The following ALDH4A1 variants were observed in gnomAD, a reference collection of about 807,000 sequenced individuals.
The protein encoded by ALDH4A1 is delta-1-pyrroline-5-carboxylate dehydrogenase, mitochondrial.
Under a neutral mutation model 70.5 loss-of-function variants are expected in ALDH4A1, and 46 were observed. The observed-to-expected ratio is 0.65, with a 90% CI of 0.51 to 0.83. The LOEUF is 0.83. ALDH4A1 is among the 40% of genes least tolerant of loss of function. ALDH4A1 has a pLI of 0.00. For missense variants in ALDH4A1, 749 were observed against 766.5 expected (o/e 0.98, Z 0.27); for synonymous variants, 323 against 324.3 (o/e 1.00, Z 0.04).
intron 1 of ALDH4A1, among the ~76,000 whole-genome samples, chr1:18,897,422 A>T (rs1935660359): frequency 1.3e-5 from 2 of 152,198 alleles, no homozygotes; most frequent in South Asian, 4.1e-4. Context: ...GTGTGCCTGT[A>T]GTCTCAGCTA....
In ALDH4A1 at chr1:18,876,405, C is replaced by A. The variant is rs184119656; in HGVS notation, c.1248G>T (p.Leu416=). Residue 416 remains leucine (L), a synonymous_variant, in exon 12 of 15, where the codon CTG becomes CTT. Coordinates refer to ENST00000375341, the MANE Select transcript of ALDH4A1 (RefSeq NM_003748.4). ...CGGAGTCATCACACTTGCCCCCGGC[C>A]AGGATGGTGAGGCTGGGTGAGGAGC... is the stretch of plus-strand genomic sequence containing the variant. The part of the protein sequence containing the change: ...HARSSPSLTI[L]AGGKCDDSVG... The A allele has an allele frequency of 1.2e-6, 2 of 1,613,238 alleles. No individual in the cohort carries two copies. The highest frequency in any genetic ancestry group is 4.5e-5 in the East Asian group (2 of 44,862).
At position 18,883,352 on chromosome 1, in the gene ALDH4A1, G is replaced by T. The variant is rs774413678; in HGVS notation, c.530C>A (p.Ala177Glu). 2 of 1,613,298 alleles carry T rather than the reference G, an allele frequency of 1.2e-6. No individual in the cohort carries two copies. The highest frequency in any genetic ancestry group is 8.5e-7 in the Non-Finnish European group (1 of 1,180,040). Residue 177 changes from alanine to glutamate, a missense_variant, in exon 6 of 15, where the codon GCG becomes GAG. By Grantham distance (107) the Ala-to-Glu change is moderately radical (BLOSUM62 -1). Transcript: ENST00000375341. Reference sequence around the variant, plus strand: ...GGGCTGCTGCCCCTCCAGCTCCACCGCATACTTGGCATTGAACCGGAAGAA... The same window carrying T: ...GGGCTGCTGCCCCTCCAGCTCCACCTCATACTTGGCATTGAACCGGAAGAA... ...IDFFRFNAKY[A>E]VELEGQQPIS...
rs541986590 is a variant in ALDH4A1 at position 18,873,048 on chromosome 1, C to A, written c.1580-91G>T. ...GGAGATGATGGAATCAACGGACCAG[C>A]AGTGTAGCGGCCAGCAGCGAGCCTG... On this transcript the variant is annotated intron_variant, in intron 14 of 14. Coordinates refer to ENST00000375341, the MANE Select transcript of ALDH4A1 (RefSeq NM_003748.4). The A allele has an allele frequency of 1.2e-5, 14 of 1,156,068 alleles. No individual in the cohort carries two copies. In the Admixed American group the frequency reaches 2.0e-4, roughly 16 times the overall value. 71.6% of individuals were successfully genotyped at this position (1,156,068 alleles called of 1,614,324 possible).
At chr1:18,884,834 C>G (rs924121550) in intron 5 of ALDH4A1, among the ~76,000 whole-genome samples, 2 of 152,128 alleles carry the variant, frequency 1.3e-5, no homozygotes, top group Non-Finnish European at 2.9e-5. Flanking sequence ...TGGGCTGGAC[C>G]AGGAGGTAAG....
In ALDH4A1 at chr1:18,883,359, T is replaced by A. The variant is rs1935065191; in HGVS notation, c.523A>T (p.Lys175Ter). Reference sequence around the variant, plus strand: ...TGCCCCTCCAGCTCCACCGCATACTTGGCATTGAACCGGAAGAAGTCGATG... The same window carrying A: ...TGCCCCTCCAGCTCCACCGCATACTAGGCATTGAACCGGAAGAAGTCGATG... ...ELIDFFRFNA[K>*]YAVELEGQQP... is the part of the protein sequence containing the mutation. The change falls in exon 6 of 15, where the codon AAG becomes TAG. Residue 175 changes from lysine to a stop codon, truncating the protein, a stop_gained. Coordinates refer to ENST00000375341, the MANE Select transcript of ALDH4A1 (RefSeq NM_003748.4). LOFTEE classifies it high-confidence loss of function. 6.2e-7 allele frequency: 1 copy of A among 1,613,462 alleles called. No homozygotes were observed. Among genetic ancestry groups the A allele is most frequent in the Non-Finnish European group, 8.5e-7 (1 of 1,180,024 alleles).
chr1:18,889,412 C>T lies in ALDH4A1; in HGVS notation c.199G>A (p.Val67Met), dbSNP rs141327098. The T allele has an allele frequency of 1.8e-4, 283 of 1,552,904 alleles. 1 individual carries two copies. The highest frequency in any genetic ancestry group is 1.7e-3 in the African/African-American group (124 of 73,188). The change falls in exon 3 of 15, where the codon GTG becomes ATG. Residue 67 changes from valine to methionine, a missense_variant. By Grantham distance (21) the Val-to-Met change is conservative (BLOSUM62 1). Transcript: ENST00000375341. ...LKGRMEAIPC[V>M]VGDEEVWTSD... is the part of the protein sequence containing the mutation. ...GTCCACACCTCCTCATCCCCCACCA[C>T]GCATGGGATGGCTTCCATCCGGCCC...
At chr1:18,899,945 A>G (rs1289905999) in intron 1 of ALDH4A1, among the ~76,000 whole-genome samples, 1 of 152,232 alleles carries the variant, frequency 6.6e-6, no homozygotes, top group South Asian at 2.1e-4. Context: ...AGACAAGTGT[A>G]TAAAGGGAAA....
intron 1 of ALDH4A1, 61 bp downstream of exon 1, chr1:18,902,401 C>A: frequency 7.9e-7 from 1 of 1,270,618 alleles, no homozygotes; most frequent in South Asian, 2.0e-5. Flanking sequence ...CGCCCAGTGA[C>A]TCTCAGGCTC....
chr1:18,872,748 T>C lies in ALDH4A1; in HGVS notation c.*97A>G, dbSNP rs1002157013. 1 of 862,656 alleles carries C rather than the reference T, an allele frequency of 1.2e-6. No individual in the cohort carries two copies. The highest frequency in any genetic ancestry group is 1.9e-6 in the Non-Finnish European group (1 of 526,780). 53.4% of individuals were successfully genotyped at this position (862,656 alleles called of 1,614,324 possible). A position where few individuals can be genotyped will look rare whatever the true frequency, so the allele number is the denominator to read the frequency against. ...AGCCCGGATTATAGAAAGGCAGCTG[T>C]GCATGAAGAAGGGGTGGAGGGGCTG... On this transcript the variant is annotated 3_prime_UTR_variant, in exon 15 of 15. Transcript: ENST00000375341.
chr1:18,881,847 A>G lies in ALDH4A1; in HGVS notation c.719T>C (p.Leu240Pro). The change falls in exon 8 of 15, where the codon CTG (leucine) becomes CCG (proline). Residue 240 changes from leucine (L) to proline (P), a missense_variant. Transcript: ENST00000375341. ...GATGCGGTAGACAGCATAGCTGGCCAGCATGGCAGTGTCACTGGGCTTCCA... is the reference window on the plus strand; with the variant it reads ...GATGCGGTAGACAGCATAGCTGGCCGGCATGGCAGTGTCACTGGGCTTCCA... The part of the protein sequence containing the change: ...VLWKPSDTAM[L>P]ASYAVYRILR... 2 of 1,613,842 alleles carry G rather than the reference A, an allele frequency of 1.2e-6. No individual in the cohort carries two copies. The highest frequency in any genetic ancestry group is 1.7e-6 in the Non-Finnish European group (2 of 1,180,038).
intron 8 of ALDH4A1, among the ~76,000 whole-genome samples, chr1:18,879,807 C>G (rs992553204): frequency 6.6e-6 from 1 of 152,190 alleles, no homozygotes; most frequent in Non-Finnish European, 1.5e-5. Flanking sequence ...GGATCCCCCC[C>G]AAGCCCAGCG....
In ALDH4A1 at chr1:18,902,553, A is replaced by T. The variant is rs757028627; in HGVS notation, c.-30T>A. 9 of 1,472,086 alleles carry T rather than the reference A, an allele frequency of 6.1e-6. No individual in the cohort carries two copies. The South Asian group carries it at 1.2e-4, about 19-fold the overall frequency. 91.2% of individuals were successfully genotyped at this position (1,472,086 alleles called of 1,614,324 possible). A position where few individuals can be genotyped will look rare whatever the true frequency, so the allele number is the denominator to read the frequency against. On this transcript the variant is annotated 5_prime_UTR_variant, in exon 1 of 15. Coordinates refer to ENST00000375341, the MANE Select transcript of ALDH4A1 (RefSeq NM_003748.4). ...GGTTAGAAGCGGGGCTGTTCGCTGG[A>T]TCGTCCGCCCGGGCGCGGCGAGAAT...
chr1:18,901,026 C>T, intron 1 of ALDH4A1: 1 of 482,338 alleles, frequency 2.1e-6, no homozygotes, highest in Non-Finnish European at 2.7e-6. Flanking sequence ...CCTCAAAGGC[C>T]CCACCCCATG....
intron 7 of ALDH4A1, among the ~76,000 whole-genome samples, chr1:18,882,210 G>A (rs574194428): frequency 2.0e-5 from 3 of 152,326 alleles, no homozygotes; most frequent in East Asian, 1.9e-4. Flanking sequence ...CACCGGGCGC[G>A]GCGGGGCAAG....
At position 18,890,000 on chromosome 1, in the gene ALDH4A1, C is replaced by T. The variant is rs1465110274; in HGVS notation, c.156+12G>A. ...CCCTGCACCTCTCGGGTGCCTCCCACCCTCCCATTACCTTTTGCAGGGCAT... is the reference window on the plus strand; with the variant it reads ...CCCTGCACCTCTCGGGTGCCTCCCATCCTCCCATTACCTTTTGCAGGGCAT... On this transcript the variant is annotated intron_variant, in intron 2 of 14. Transcript: ENST00000375341. 4.4e-6 allele frequency: 7 copies of T among 1,596,768 alleles called. No homozygotes were observed. The highest frequency in any genetic ancestry group is 1.7e-5 in the Admixed American group (1 of 58,418).
At chr1:18,886,706 A>AG (rs1935219111) in intron 3 of ALDH4A1, among the ~76,000 whole-genome samples, 195 bp from the exon 4 acceptor site, 1 of 152,098 alleles carries the variant, frequency 6.6e-6, no homozygotes, top group Non-Finnish European at 1.5e-5. Context: ...TGTACCCGCT[A>AG]TACCATGAGT....
At chr1:18,873,041 G>A (rs550155773) in intron 14 of ALDH4A1, 84 bp from the exon 15 acceptor site, 17 of 1,221,422 alleles carry the variant, frequency 1.4e-5, no homozygotes, top group South Asian at 3.7e-5. Context: ...TGGAATCAAC[G>A]GACCAGCAGT....
intron 1 of ALDH4A1, among the ~76,000 whole-genome samples, chr1:18,893,459 C>A (rs1243579281): frequency 6.6e-6 from 1 of 152,138 alleles, no homozygotes; most frequent in Non-Finnish European, 1.5e-5. Context: ...ACTTCATGAT[C>A]CTGGAAAGCG....
chr1:18,887,605 A>T (rs1935267543), intron 3 of ALDH4A1, among the ~76,000 whole-genome samples: 1 of 152,116 alleles, frequency 6.6e-6, no homozygotes, highest in Admixed American at 6.5e-5. Flanking sequence ...TCTCAGAAAA[A>T]AAAAAACCAT....
Sources: gnomAD v4.1 joint callset for allele counts (sites outside exome capture counted in the v4.1 genomes callset) on GRCh38, gnomAD v4.1.1 for gene constraint, MANE v1.5 for transcripts, NCBI Gene and HGNC (gene_info 2026-07-23, HGNC 2026-07-21) for gene names.